The following CCDC192 variants were observed in gnomAD, a reference collection of about 807,000 sequenced individuals.
CCDC192 encodes coiled-coil domain containing 192.
At chr5:127,849,101 G>T (rs1320084703) in intron 5 of CCDC192, among the ~76,000 whole-genome samples, 3 of 152,106 alleles carry the variant, frequency 2.0e-5, no homozygotes, top group Non-Finnish European at 4.4e-5. Context: ...GTGGTGACAG[G>T]TGCCTATAAT....
chr5:127,778,399 A>C (rs1425970118), intron 3 of CCDC192, among the ~76,000 whole-genome samples: 1 of 152,156 alleles, frequency 6.6e-6, no homozygotes, highest in African/African-American at 2.4e-5. Flanking sequence ...TATTCTATCA[A>C]TGTGATCTAT....
intron 5 of CCDC192, among the ~76,000 whole-genome samples, chr5:127,814,289 A>C (rs183799358): frequency 2.1e-4 from 32 of 152,356 alleles, no homozygotes; most frequent in Middle Eastern, 3.4e-3. Flanking sequence ...ATTGCTAATA[A>C]GAATACAGCT....
intron 6 of CCDC192, among the ~76,000 whole-genome samples, chr5:127,882,038 A>G (rs1379124756): frequency 2.0e-5 from 3 of 152,188 alleles, no homozygotes; most frequent in Admixed American, 2.0e-4. Flanking sequence ...TATCCCAATG[A>G]AAGTCCTGGC....
intron 2 of CCDC192, among the ~76,000 whole-genome samples, chr5:127,752,721 G>A (rs1301257666): frequency 2.6e-5 from 4 of 152,284 alleles, no homozygotes; most frequent in Admixed American, 1.3e-4. Context: ...CCTCGCTGCC[G>A]CCTTGCAGTT....
chr5:127,786,221 C>A, intron 3 of CCDC192: 2 of 747,502 alleles, frequency 2.7e-6, no homozygotes, highest in East Asian at 2.5e-5. Context: ...TGAAGGTAAA[C>A]CTGAACTCTT....
intron 6 of CCDC192, among the ~76,000 whole-genome samples, chr5:127,936,069 A>G (rs1167216774): frequency 5.3e-5 from 8 of 152,110 alleles, no homozygotes; most frequent in African/African-American, 1.9e-4. Flanking sequence ...GCACCATCGC[A>G]CTCCAGCCTG....
At chr5:127,719,514 T>TACATAC (rs1201386938) in intron 2 of CCDC192, among the ~76,000 whole-genome samples, 1 of 118,832 alleles carries the variant, frequency 8.4e-6, no homozygotes, top group Non-Finnish European at 1.6e-5. Context: ...TACATATATA[T>TACATAC]ATATATATAT....
intron 5 of CCDC192, among the ~76,000 whole-genome samples, chr5:127,813,756 A>G (rs986332708): frequency 6.6e-6 from 1 of 152,198 alleles, no homozygotes; most frequent in Non-Finnish European, 1.5e-5. Context: ...AGAGTCCACA[A>G]ATGGTTTAAA....
At chr5:127,802,522 A>G (rs1216781061) in intron 5 of CCDC192, among the ~76,000 whole-genome samples, 1 of 152,046 alleles carries the variant, frequency 6.6e-6, no homozygotes, top group Non-Finnish European at 1.5e-5. Context: ...TGTCCCTGCC[A>G]TTGAGTTTGC....
intron 3 of CCDC192, among the ~76,000 whole-genome samples, chr5:127,775,247 C>T (rs1043074680): frequency 6.6e-6 from 1 of 152,174 alleles, no homozygotes; most frequent in African/African-American, 2.4e-5. Flanking sequence ...CCATTACCTC[C>T]TCTATTGGGT....
intron 1 of CCDC192, among the ~76,000 whole-genome samples, chr5:127,704,556 G>A (rs546746930): frequency 7.9e-5 from 12 of 152,146 alleles, no homozygotes; most frequent in African/African-American, 2.9e-4. Context: ...TTTGCTTTTC[G>A]TCTTGGGTCT....
At chr5:127,704,848 A>AATAC (rs1311586482) in intron 1 of CCDC192, among the ~76,000 whole-genome samples, 3 of 86,152 alleles carry the variant, frequency 3.5e-5, no homozygotes, top group Non-Finnish European at 8.1e-5. Context: ...AAAATAAATA[A>AATAC]ATAAATAAAT....
At chr5:127,779,880 C>G (rs1478561508) in intron 3 of CCDC192, among the ~76,000 whole-genome samples, 1 of 151,984 alleles carries the variant, frequency 6.6e-6, no homozygotes, top group Admixed American at 6.6e-5. Flanking sequence ...TATCCCTCAC[C>G]CCCCTCCCAC....
chr5:127,822,479 G>A (rs969280887), intron 5 of CCDC192, among the ~76,000 whole-genome samples: 13 of 152,080 alleles, frequency 8.5e-5, no homozygotes, highest in Non-Finnish European at 1.6e-4. Context: ...AAGACAATAA[G>A]CAAATAAACT....
intron 3 of CCDC192, among the ~76,000 whole-genome samples, chr5:127,793,598 G>A (rs1028667586): frequency 2.6e-5 from 4 of 152,226 alleles, no homozygotes; most frequent in South Asian, 2.1e-4. Flanking sequence ...TCTTACACAA[G>A]TTAATTCACC....
chr5:127,831,493 C>A (rs530688218), intron 5 of CCDC192, among the ~76,000 whole-genome samples: 1 of 151,868 alleles, frequency 6.6e-6, no homozygotes, highest in East Asian at 1.9e-4. Flanking sequence ...TACTTTCTTC[C>A]CAACAAAATT....
At chr5:127,743,505 T>G (rs1753552658) in intron 2 of CCDC192, among the ~76,000 whole-genome samples, 1 of 152,164 alleles carries the variant, frequency 6.6e-6, no homozygotes, top group Non-Finnish European at 1.5e-5. Context: ...ACATGGTCAC[T>G]TAGAATCAAG....
At chr5:127,893,343 C>G (rs1009114211) in intron 6 of CCDC192, among the ~76,000 whole-genome samples, 8 of 152,170 alleles carry the variant, frequency 5.3e-5, no homozygotes, top group African/African-American at 1.9e-4. Flanking sequence ...AGCTACTTTG[C>G]AAGGTGGTTG....
chr5:127,852,659 A>G (rs1230324182), intron 5 of CCDC192, among the ~76,000 whole-genome samples: 1 of 152,200 alleles, frequency 6.6e-6, no homozygotes, highest in African/African-American at 2.4e-5. Flanking sequence ...TTCTCCCATA[A>G]CAGGAGGGAG....
Sources: gnomAD v4.1 joint callset for allele counts (sites outside exome capture counted in the v4.1 genomes callset) on GRCh38, gnomAD v4.1.1 for gene constraint, MANE v1.5 for transcripts, NCBI Gene and HGNC (gene_info 2026-07-23, HGNC 2026-07-21) for gene names.